ADAM32: variants seen among roughly 807,000 people sequenced by gnomAD.
ADAM32 encodes the protein ADAM metallopeptidase domain 32, also known as disintegrin and metalloproteinase domain-containing protein 32.
ADAM32 carries 89 observed loss-of-function variants against 114.9 expected under a neutral mutation model. That is an observed-to-expected ratio of 0.77 (90% CI 0.65 to 0.92). The LOEUF (loss-of-function observed/expected upper bound fraction) is 0.92, where lower values mean the gene tolerates loss of function less well. Ranked by LOEUF, ADAM32 falls within the 40% of genes least tolerant of loss-of-function variation. The pLI is 0.00. For synonymous variants in ADAM32, 285 were observed against 307.5 expected (o/e 0.93, Z 0.77); for missense variants, 870 against 932.8 (o/e 0.93, Z 0.88).
At chr8:39,151,674 T>A in intron 6 of ADAM32, 126 bp downstream of exon 6, 14 of 532,262 alleles carry the variant, frequency 2.6e-5, no homozygotes, top group South Asian at 4.3e-5. Flanking sequence ...GAACATCTTA[T>A]CTTTTTTTTT....
intron 14 of ADAM32, 66 bp downstream of exon 14, chr8:39,223,304 G>T: frequency 1.9e-6 from 2 of 1,060,980 alleles, no homozygotes; most frequent in South Asian, 2.4e-5. Flanking sequence ...GGATAATGGG[G>T]TATATTTTCA....
At chr8:39,192,080 G>A (rs999768675) in intron 11 of ADAM32, among the ~76,000 whole-genome samples, 14 of 152,074 alleles carry the variant, frequency 9.2e-5, no homozygotes, top group African/African-American at 2.2e-4. Flanking sequence ...TTTTTGGTCC[G>A]TTCAGGGATT....
chr8:39,242,846 C>T (rs1459178611), intron 16 of ADAM32, among the ~76,000 whole-genome samples: 1 of 152,114 alleles, frequency 6.6e-6, no homozygotes, highest in African/African-American at 2.4e-5. Context: ...GAAACAAAAG[C>T]TGGTTCTTTG....
At chr8:39,261,464 G>C (rs973079856) in intron 19 of ADAM32, among the ~76,000 whole-genome samples, 1 of 152,116 alleles carries the variant, frequency 6.6e-6, no homozygotes. Flanking sequence ...TTTGTTGTTG[G>C]AAACAGGTTG....
chr8:39,246,695 A>G (rs1393245726), intron 17 of ADAM32, among the ~76,000 whole-genome samples: 1 of 152,202 alleles, frequency 6.6e-6, no homozygotes, highest in African/African-American at 2.4e-5. Context: ...ATGACCTACA[A>G]GGACATATCA....
At chr8:39,156,710 T>G (rs1228546350) in intron 6 of ADAM32, among the ~76,000 whole-genome samples, 1 of 152,224 alleles carries the variant, frequency 6.6e-6, no homozygotes, top group Non-Finnish European at 1.5e-5. Context: ...TAGTTTCTTC[T>G]GAGGACCCTC....
intron 11 of ADAM32, among the ~76,000 whole-genome samples, chr8:39,200,865 A>G (rs1263340304): frequency 6.6e-6 from 1 of 152,192 alleles, no homozygotes; most frequent in African/African-American, 2.4e-5. Flanking sequence ...TCCCAGCACC[A>G]TTTATTAAAT....
intron 12 of ADAM32, among the ~76,000 whole-genome samples, chr8:39,212,910 A>G (rs1424291442): frequency 1.3e-5 from 2 of 152,146 alleles, no homozygotes; most frequent in Admixed American, 1.3e-4. Flanking sequence ...AGAATTTGTT[A>G]TTATCCACTT....
At chr8:39,248,399 T>G (rs1173462939) in intron 17 of ADAM32, among the ~76,000 whole-genome samples, 1 of 152,190 alleles carries the variant, frequency 6.6e-6, no homozygotes, top group Non-Finnish European at 1.5e-5. Flanking sequence ...ATATTGATCT[T>G]ATATATATTT....
At chr8:39,112,077 A>G (rs1466023009) in intron 1 of ADAM32, among the ~76,000 whole-genome samples, 1 of 152,160 alleles carries the variant, frequency 6.6e-6, no homozygotes. Flanking sequence ...AAATGAAGTA[A>G]AAGAGGCTAC....
intron 2 of ADAM32, among the ~76,000 whole-genome samples, chr8:39,134,780 C>T (rs955574045): frequency 3.9e-5 from 6 of 152,144 alleles, no homozygotes; most frequent in Non-Finnish European, 5.9e-5. Flanking sequence ...TTATCTGGGA[C>T]ACTAATAATA....
chr8:39,112,266 G>A (rs1247409820), intron 1 of ADAM32, among the ~76,000 whole-genome samples: 1 of 152,150 alleles, frequency 6.6e-6, no homozygotes, highest in East Asian at 1.9e-4. Flanking sequence ...AAAGCATATT[G>A]TATAAATTTA....
chr8:39,248,315 C>G (rs965572623), intron 17 of ADAM32, among the ~76,000 whole-genome samples: 1 of 152,152 alleles, frequency 6.6e-6, no homozygotes, highest in African/African-American at 2.4e-5. Flanking sequence ...GTCTTTCTAT[C>G]CATTCACATG....
At position 39,233,987 on chromosome 8, in the gene ADAM32, C is replaced by A; in HGVS notation, c.1723C>A (p.Arg575=). ...TGGTGATGTGATTTATGCTTTCGTACGAGATTCTGTATGCATAACTGTAGA... is the reference window on the plus strand; with the variant it reads ...TGGTGATGTGATTTATGCTTTCGTAAGAGATTCTGTATGCATAACTGTAGA... ...ENGDVIYAFV[R]DSVCITVDYK... The change falls in exon 16 of 25, where the codon CGA becomes AGA. Residue 575 remains arginine, a synonymous_variant. Coordinates refer to ENST00000379907, the MANE Select transcript of ADAM32 (RefSeq NM_145004.7). 6.3e-7 allele frequency: 1 copy of A among 1,577,768 alleles called. No homozygotes were observed. Among genetic ancestry groups the A allele is most frequent in the Non-Finnish European group, 8.6e-7 (1 of 1,159,840 alleles).
At chr8:39,155,290 C>T (rs1804074911) in intron 6 of ADAM32, among the ~76,000 whole-genome samples, 1 of 152,086 alleles carries the variant, frequency 6.6e-6, no homozygotes, top group Admixed American at 6.6e-5. Flanking sequence ...TCAAATTGTC[C>T]TCATATGCTT....
At chr8:39,139,897 G>T (rs1248725100) in intron 3 of ADAM32, among the ~76,000 whole-genome samples, 1 of 152,154 alleles carries the variant, frequency 6.6e-6, no homozygotes, top group African/African-American at 2.4e-5. Context: ...CACATCCCTT[G>T]TAAGTTGGAT....
At chr8:39,196,933 T>C (rs1038194450) in intron 11 of ADAM32, among the ~76,000 whole-genome samples, 6 of 152,102 alleles carry the variant, frequency 3.9e-5, no homozygotes, top group Admixed American at 2.0e-4. Context: ...TTCTTCCTTA[T>C]ATGTTTGATA....
chr8:39,136,647 A>T lies in ADAM32; in HGVS notation c.139-10A>T, dbSNP rs771227779. On this transcript the variant is annotated splice_polypyrimidine_tract_variant and intron_variant, in intron 2 of 24. Transcript: ENST00000379907. ...TTTGTCTTCACTCTCAGTTGTTTTG[A>T]ATTCTCTAGGAACAAATATCCTATA... 6.6e-7 allele frequency: 1 copy of T among 1,513,252 alleles called. No homozygotes were observed. The highest frequency in any genetic ancestry group is 2.4e-5 in the East Asian group (1 of 42,190). 93.7% of individuals were successfully genotyped at this position (1,513,252 alleles called of 1,614,324 possible).
intron 17 of ADAM32, 74 bp from the exon 18 acceptor site, chr8:39,254,340 A>G (rs1269782154): frequency 4.8e-5 from 61 of 1,272,920 alleles, no homozygotes; most frequent in Non-Finnish European, 5.9e-5. Flanking sequence ...TTATGGTACA[A>G]AAGTAAGCTT....
Sources: allele counts gnomAD v4.1 joint callset (sites outside exome capture counted in the v4.1 genomes callset), GRCh38; gene constraint gnomAD v4.1.1; transcripts MANE v1.5; gene names NCBI Gene and HGNC (gene_info 2026-07-23, HGNC 2026-07-21).